The following RNF217 variants were observed in gnomAD, a reference collection of about 807,000 sequenced individuals.
RNF217 encodes the protein ring finger protein 217.
A neutral mutation model predicts 57.8 loss-of-function variants in RNF217; 31 were observed. That is an observed-to-expected ratio of 0.54 (90% CI 0.40 to 0.72). The LOEUF is 0.72. Ranked by LOEUF, RNF217 falls within the 30% of genes least tolerant of loss-of-function variation. RNF217 has a pLI of 0.00. For synonymous variants in RNF217, 313 were observed against 294.0 expected (o/e 1.06, Z -0.66); for missense variants, 696 against 708.3 (o/e 0.98, Z 0.20).
chr6:125,074,293 ATAGG>A (rs753637899), intron 3 of RNF217, among the ~76,000 whole-genome samples: 116 of 132,176 alleles, frequency 8.8e-4, no homozygotes, highest in Non-Finnish European at 1.4e-3. Flanking sequence ...TAGACAGAAG[ATAGG>A]TAGATAGATA....
intron 1 of RNF217, among the ~76,000 whole-genome samples, chr6:125,034,918 T>G (rs1786538897): frequency 6.6e-6 from 1 of 152,156 alleles, no homozygotes; most frequent in African/African-American, 2.4e-5. Flanking sequence ...TTCACATCCC[T>G]TGTAAGTTGG....
In RNF217 at chr6:125,089,371, A is replaced by G. The variant is rs1374094020; in HGVS notation, c.*6434A>G. ...TCTCCATCCAAAAAGGGTTATAGGT[A>G]TGGTTTATGGTCTTTGTTTCAGCAA... is the stretch of plus-strand genomic sequence containing the variant. On this transcript the variant is annotated 3_prime_UTR_variant, in exon 6 of 6. Transcript: ENST00000521654. 2 of 152,160 alleles carry G rather than the reference A, an allele frequency of 1.3e-5. No homozygotes were observed. Among genetic ancestry groups the G allele is most frequent in the Non-Finnish European group, 1.5e-5 (1 of 68,022 alleles). 9.4% of individuals were successfully genotyped at this position (152,160 alleles called of 1,614,324 possible). A position where few individuals can be genotyped will look rare whatever the true frequency, so the allele number is the denominator to read the frequency against.
At position 125,083,412 on chromosome 6, in the gene RNF217, C is replaced by A. The variant is rs1221574955; in HGVS notation, c.*475C>A. On this transcript the variant is annotated 3_prime_UTR_variant, in exon 6 of 6. Coordinates refer to ENST00000521654, the MANE Select transcript of RNF217 (RefSeq NM_001286398.3). ...GTTCACTGAATGCACCTATTATAAT[C>A]TGTGGCCCCAGCAGTATAATTCTTT... is the stretch of plus-strand genomic sequence containing the variant. The A allele has an allele frequency of 6.6e-6, 1 of 152,352 alleles. No individual in the cohort carries two copies. Among genetic ancestry groups the A allele is most frequent in the Non-Finnish European group, 1.5e-5 (1 of 68,240 alleles). The allele number at this position is 152,352 out of a possible 1,614,324, so 9.4% of individuals were successfully genotyped here.
chr6:125,013,087 T>A (rs945941279), intron 1 of RNF217, among the ~76,000 whole-genome samples: 4 of 152,152 alleles, frequency 2.6e-5, no homozygotes, highest in Non-Finnish European at 5.9e-5. Context: ...TAGTTCTGAT[T>A]TTTTTTCATT....
chr6:125,068,106 G>A (rs1310491909), intron 3 of RNF217, among the ~76,000 whole-genome samples: 1 of 152,120 alleles, frequency 6.6e-6, no homozygotes. Context: ...CATGCTGTGT[G>A]TTGGTACTGT....
At chr6:124,989,830 T>G (rs1784490916) in intron 1 of RNF217, among the ~76,000 whole-genome samples, 1 of 149,512 alleles carries the variant, frequency 6.7e-6, no homozygotes, top group South Asian at 2.1e-4. Flanking sequence ...GGATCTTTCT[T>G]CTTAGCATAC....
At chr6:125,042,109 T>C (rs1191333453) in intron 1 of RNF217, among the ~76,000 whole-genome samples, 1 of 152,086 alleles carries the variant, frequency 6.6e-6, no homozygotes, top group African/African-American at 2.4e-5. Context: ...TTGAGGAAAA[T>C]TTTCTGAAAA....
Position 124,981,957 on chromosome 6 carries a change from G to A in RNF217, c.882+18531G>A, listed in dbSNP as rs146860232. 1.3e-4 allele frequency among the ~76,000 whole-genome samples: 20 copies of A among 150,632 alleles called. No homozygotes were observed. In the East Asian group the frequency reaches 3.1e-3, roughly 24 times the overall value. On this transcript the variant is annotated intron_variant, in intron 1 of 5. Coordinates refer to ENST00000521654, the MANE Select transcript of RNF217 (RefSeq NM_001286398.3). ...GCAGAAGAACCACTTGAACCCGGGA[G>A]GCAGAGGTTGCAATGAACCGAGATC...
chr6:125,016,091 A>G (rs760183464), intron 1 of RNF217, among the ~76,000 whole-genome samples: 1 of 152,134 alleles, frequency 6.6e-6, no homozygotes, highest in African/African-American at 2.4e-5. Context: ...AGAAATGAGA[A>G]TATAAGGGGG....
intron 1 of RNF217, among the ~76,000 whole-genome samples, chr6:125,038,770 ACCTAT>A (rs1168734102): frequency 6.6e-6 from 1 of 152,056 alleles, no homozygotes; most frequent in Non-Finnish European, 1.5e-5. Context: ...TTTTTCTATC[ACCTAT>A]CCTATTGTTA....
intron 4 of RNF217, among the ~76,000 whole-genome samples, chr6:125,077,816 T>C (rs1788435296): frequency 1.3e-5 from 2 of 152,326 alleles, no homozygotes; most frequent in African/African-American, 4.8e-5. Context: ...TTTGCCTAGT[T>C]GCTTTATGAA....
chr6:125,017,861 A>G (rs1785671252), intron 1 of RNF217, among the ~76,000 whole-genome samples: 1 of 152,176 alleles, frequency 6.6e-6, no homozygotes, highest in South Asian at 2.1e-4. Flanking sequence ...CAGTGGTGAA[A>G]GGTCAAAATG....
chr6:125,009,625 C>T (rs370915356), intron 1 of RNF217: 36 of 223,442 alleles, frequency 1.6e-4, no homozygotes, highest in East Asian at 8.2e-4. Flanking sequence ...TCCCTTTCTC[C>T]CTCCTGCCCT....
At chr6:125,014,254 A>G (rs1709530051) in intron 1 of RNF217, among the ~76,000 whole-genome samples, 1 of 152,122 alleles carries the variant, frequency 6.6e-6, no homozygotes, top group Non-Finnish European at 1.5e-5. Context: ...ATGGGAAGAG[A>G]TTTTGGAAAT....
chr6:125,082,479 T>A (rs1033908270), intron 5 of RNF217: 1 of 1,612,272 alleles, frequency 6.2e-7, no homozygotes, highest in East Asian at 2.2e-5. Context: ...TGGAACCTCA[T>A]AAGTGGTAGA....
At chr6:125,081,081 T>G (rs1336856706) in intron 4 of RNF217, among the ~76,000 whole-genome samples, 1 of 151,998 alleles carries the variant, frequency 6.6e-6, no homozygotes, top group East Asian at 1.9e-4. Context: ...GCCACTTCTT[T>G]CTTAATCTTT....
intron 1 of RNF217, among the ~76,000 whole-genome samples, chr6:124,971,923 A>T (rs1026303779): frequency 6.6e-6 from 1 of 152,218 alleles, no homozygotes; most frequent in African/African-American, 2.4e-5. Context: ...TAGTGGGGCC[A>T]TCTTACCCAC....
chr6:125,049,540 T>C (rs1215153738), intron 2 of RNF217, among the ~76,000 whole-genome samples: 1 of 152,056 alleles, frequency 6.6e-6, no homozygotes, highest in Non-Finnish European at 1.5e-5. Flanking sequence ...ACTCTCAGCC[T>C]GTCACACACT....
At chr6:125,067,953 A>G (rs79596915) in intron 3 of RNF217, among the ~76,000 whole-genome samples, 6,233 of 152,256 alleles carry the variant, frequency 0.041, 390 homozygotes, top group African/African-American at 0.14. Flanking sequence ...TAGTGTATCA[A>G]AGGTCAGTAA....
Sources: allele counts gnomAD v4.1 joint callset (sites outside exome capture counted in the v4.1 genomes callset), GRCh38; gene constraint gnomAD v4.1.1; transcripts MANE v1.5; gene names NCBI Gene and HGNC (gene_info 2026-07-23, HGNC 2026-07-21).